The following STXBP5L variants were observed in gnomAD, a reference collection of about 807,000 sequenced individuals.
STXBP5L encodes the protein syntaxin binding protein 5L.
Under a neutral mutation model 144.5 loss-of-function variants are expected in STXBP5L, and 65 were observed. The observed-to-expected ratio is 0.45, with a 90% CI of 0.37 to 0.55. The LOEUF is 0.55. STXBP5L is among the 20% of genes least tolerant of loss of function. The pLI is 0.00. For synonymous variants in STXBP5L, 505 were observed against 469.6 expected (o/e 1.08, Z -0.97); for missense variants, 1,298 against 1,405.5 (o/e 0.92, Z 1.22).
intron 20 of STXBP5L, among the ~76,000 whole-genome samples, chr3:121,333,361 G>C (rs1433934006): frequency 6.6e-6 from 1 of 152,022 alleles, no homozygotes; most frequent in Non-Finnish European, 1.5e-5. Flanking sequence ...GAATCTCTGG[G>C]ACACGGCTAA....
intron 3 of STXBP5L, among the ~76,000 whole-genome samples, chr3:121,015,446 A>G (rs1053798454): frequency 2.0e-5 from 3 of 152,186 alleles, no homozygotes; most frequent in African/African-American, 7.2e-5. Flanking sequence ...GCAAATCCAG[A>G]TAATCACAGA....
chr3:120,956,475 A>G (rs1938051244), intron 3 of STXBP5L, among the ~76,000 whole-genome samples: 1 of 151,860 alleles, frequency 6.6e-6, no homozygotes, highest in Non-Finnish European at 1.5e-5. Context: ...AATGTCCTCA[A>G]CGTTTATCCA....
intron 5 of STXBP5L, among the ~76,000 whole-genome samples, chr3:121,101,691 C>A (rs2043435190): frequency 6.6e-6 from 1 of 151,952 alleles, no homozygotes; most frequent in African/African-American, 2.4e-5. Flanking sequence ...GATGCTCACT[C>A]TCAACATTCT....
At chr3:121,044,007 C>A (rs1235339314) in intron 4 of STXBP5L, among the ~76,000 whole-genome samples, 1 of 152,040 alleles carries the variant, frequency 6.6e-6, no homozygotes, top group Admixed American at 6.6e-5. Context: ...TAATAAATTT[C>A]TCGTTTGTTT....
chr3:120,960,097 T>G (rs1440892121), intron 3 of STXBP5L, among the ~76,000 whole-genome samples: 2 of 151,894 alleles, frequency 1.3e-5, no homozygotes, highest in African/African-American at 2.4e-5. Flanking sequence ...AGTGGGCAAA[T>G]GATATGAACA....
At chr3:121,289,133 A>G (rs2051331453) in intron 19 of STXBP5L, among the ~76,000 whole-genome samples, 1 of 152,226 alleles carries the variant, frequency 6.6e-6, no homozygotes, top group African/African-American at 2.4e-5. Flanking sequence ...ATAAGGACTC[A>G]CATAAACTTA....
chr3:121,324,485 TC>T (rs1337396044), intron 20 of STXBP5L: 3 of 684,670 alleles, frequency 4.4e-6, no homozygotes, highest in East Asian at 5.4e-5. Flanking sequence ...TATATTCCCT[TC>T]CTTTAGGACT....
intron 5 of STXBP5L, among the ~76,000 whole-genome samples, chr3:121,058,986 A>G (rs749144931): frequency 1.3e-5 from 2 of 152,022 alleles, no homozygotes; most frequent in Admixed American, 6.6e-5. Context: ...ATTAGATCCC[A>G]TTTGTCAATT....
At chr3:121,058,502 G>A (rs997382435) in intron 5 of STXBP5L, among the ~76,000 whole-genome samples, 1 of 152,170 alleles carries the variant, frequency 6.6e-6, no homozygotes, top group Admixed American at 6.5e-5. Flanking sequence ...GTAATGGGAT[G>A]GCTGGGTCAA....
chr3:121,030,568 T>G (rs1946294761), intron 3 of STXBP5L, among the ~76,000 whole-genome samples: 2 of 151,910 alleles, frequency 1.3e-5, no homozygotes, highest in Non-Finnish European at 2.9e-5. Flanking sequence ...TTAGGAGAAA[T>G]ACCTAATGTA....
intron 3 of STXBP5L, among the ~76,000 whole-genome samples, chr3:120,983,399 A>G (rs920353069): frequency 2.6e-5 from 4 of 151,956 alleles, no homozygotes; most frequent in African/African-American, 9.7e-5. Flanking sequence ...TGGTGGTGGT[A>G]TCTGTTTTTG....
At chr3:121,418,154 CTT>C (rs1001713631) in intron 25 of STXBP5L, among the ~76,000 whole-genome samples, 181 bp from the exon 26 acceptor site, 1 of 152,150 alleles carries the variant, frequency 6.6e-6, no homozygotes, top group African/African-American at 2.4e-5. Context: ...CTCACAGTCT[CTT>C]TCTTAGCATT....
intron 5 of STXBP5L, among the ~76,000 whole-genome samples, chr3:121,079,401 A>G (rs1173195625): frequency 6.6e-6 from 1 of 152,212 alleles, no homozygotes; most frequent in Non-Finnish European, 1.5e-5. Flanking sequence ...AACTTTCAGG[A>G]ATGTGGAGTT....
chr3:121,393,715 T>G (rs1026684489), intron 22 of STXBP5L, among the ~76,000 whole-genome samples: 3 of 152,214 alleles, frequency 2.0e-5, no homozygotes, highest in African/African-American at 7.2e-5. Flanking sequence ...ATGCTTTTGT[T>G]GACTTTCTCA....
At chr3:121,410,485 AGCAT>A (rs2047090622) in intron 23 of STXBP5L, among the ~76,000 whole-genome samples, 2 of 152,066 alleles carry the variant, frequency 1.3e-5, no homozygotes, top group African/African-American at 4.8e-5. Flanking sequence ...CCTACAAATT[AGCAT>A]GCACCTGGCC....
intron 20 of STXBP5L, among the ~76,000 whole-genome samples, chr3:121,358,373 C>G (rs1400670017): frequency 1.3e-5 from 2 of 152,136 alleles, no homozygotes; most frequent in Non-Finnish European, 2.9e-5. Context: ...AATTGACTCA[C>G]AGTTCCACAT....
At position 121,205,993 on chromosome 3, in the gene STXBP5L, C is replaced by T; in HGVS notation, c.948C>T (p.Cys316=). ...KPILKVEYKT[C]KNSEPFIIFS... ...TTCTTAAAGTAGAATACAAGACCTG[C>T]AAAAACAGGTATGCATTTTTACTTT... is the stretch of plus-strand genomic sequence containing the variant. The change falls in exon 10 of 27, where the codon TGC becomes TGT. Residue 316 remains cysteine, a synonymous_variant. Coordinates refer to ENST00000471454, the MANE Select transcript of STXBP5L (RefSeq NM_001308330.2). 1 of 1,496,586 alleles carries T rather than the reference C, an allele frequency of 6.7e-7. No individual in the cohort carries two copies. Among genetic ancestry groups the T allele is most frequent in the African/African-American group, 1.4e-5 (1 of 69,286 alleles). 92.7% of individuals were successfully genotyped at this position (1,496,586 alleles called of 1,614,324 possible). A position where few individuals can be genotyped will look rare whatever the true frequency, so the allele number is the denominator to read the frequency against.
intron 20 of STXBP5L, among the ~76,000 whole-genome samples, chr3:121,320,381 T>C (rs1332063738): frequency 2.0e-5 from 3 of 152,158 alleles, no homozygotes; most frequent in African/African-American, 7.2e-5. Flanking sequence ...TATTTCTTAA[T>C]TCTTATAGTT....
intron 5 of STXBP5L, among the ~76,000 whole-genome samples, chr3:121,069,105 C>G (rs1190827069): frequency 6.6e-6 from 1 of 152,132 alleles, no homozygotes. Context: ...GGTTCTATCA[C>G]CACAAAGATT....
Sources: gnomAD v4.1 joint callset for allele counts (sites outside exome capture counted in the v4.1 genomes callset) on GRCh38, gnomAD v4.1.1 for gene constraint, MANE v1.5 for transcripts, NCBI Gene and HGNC (gene_info 2026-07-23, HGNC 2026-07-21) for gene names.